Variants in WDR35 observed in about 807,000 individuals in gnomAD.
WDR35 encodes the protein WD repeat domain 35, also known as WD repeat-containing protein 35.
WDR35 carries 118 observed loss-of-function variants against 158.3 expected under a neutral mutation model. The observed-to-expected ratio is 0.75, with a 90% confidence interval of 0.64 to 0.87. WDR35 has a LOEUF of 0.87. WDR35 is among the 40% of genes least tolerant of loss of function. WDR35 has a pLI of 0.00. For missense variants in WDR35, 1,263 were observed against 1,405.8 expected (o/e 0.90, Z 1.62); for synonymous variants, 448 against 476.1 (o/e 0.94, Z 0.77).
chr2:19,941,991 T>G (rs755843069), intron 16 of WDR35, 152 bp from the exon 17 acceptor site: 9 of 586,798 alleles, frequency 1.5e-5, no homozygotes, highest in Non-Finnish European at 2.5e-5. Flanking sequence ...ATAATTAGCA[T>G]TATGGTAAAT....
chr2:19,987,317 T>C (rs1392333146), intron 2 of WDR35, among the ~76,000 whole-genome samples: 3 of 152,192 alleles, frequency 2.0e-5, no homozygotes, highest in Non-Finnish European at 4.4e-5. Context: ...ATTCCTCATA[T>C]TTATTTCTTT....
chr2:19,956,126 T>A (rs1331294523), intron 11 of WDR35, among the ~76,000 whole-genome samples: 1 of 152,188 alleles, frequency 6.6e-6, no homozygotes, highest in Non-Finnish European at 1.5e-5. Flanking sequence ...ATCTTAAGAA[T>A]TTTTTAAATA....
Position 19,936,203 on chromosome 2 carries a change from C to T in WDR35, c.2414+16G>A. 1 of 1,613,762 alleles carries T rather than the reference C, an allele frequency of 6.2e-7. No individual in the cohort carries two copies. Among genetic ancestry groups the T allele is most frequent in the Non-Finnish European group, 8.5e-7 (1 of 1,179,804 alleles). ...TGTTGCATGAATGCTTGAGGAGCTC[C>T]AGGTAAGTTACATACCACTTTTGTC... On this transcript the variant is annotated intron_variant, in intron 20 of 26. Transcript: ENST00000281405.
rs768715293 is a variant in WDR35 at position 19,946,007 on chromosome 2, T to C, written c.1635-11A>G. The C allele has an allele frequency of 2.5e-6, 4 of 1,612,888 alleles. No individual in the cohort carries two copies. Among genetic ancestry groups the C allele is most frequent in the East Asian group, 2.2e-5 (1 of 44,866 alleles). On this transcript the variant is annotated splice_polypyrimidine_tract_variant and intron_variant, in intron 15 of 26. Coordinates refer to ENST00000281405, the MANE Select transcript of WDR35 (RefSeq NM_020779.4). The stretch of plus-strand genomic sequence containing the variant: ...ATGATAGCAAGACGGCTAAAAACAA[T>C]GCAATTAGAGAAAAGGAAAAAACTA...
At chr2:19,971,918 G>A (rs942221021) in intron 8 of WDR35, among the ~76,000 whole-genome samples, 2 of 152,084 alleles carry the variant, frequency 1.3e-5, no homozygotes, top group African/African-American at 2.4e-5. Flanking sequence ...GCACCATGAC[G>A]TATTTCCTTT....
intron 10 of WDR35, among the ~76,000 whole-genome samples, chr2:19,966,369 C>T (rs1014380205): frequency 6.6e-6 from 1 of 152,160 alleles, no homozygotes; most frequent in Non-Finnish European, 1.5e-5. Flanking sequence ...GTGTTCATTG[C>T]TGCATAATTT....
intron 8 of WDR35, among the ~76,000 whole-genome samples, chr2:19,971,047 AAAAT>A (rs780767822): frequency 7.0e-5 from 10 of 143,346 alleles, no homozygotes; most frequent in East Asian, 6.2e-4. Context: ...TTTAAAATTT[AAAAT>A]AAATAAACAG....
rs753374553 is a variant in WDR35 at position 19,984,002 on chromosome 2, CATATATATATATATATATAT to C, written c.143-1488_143-1469del. 8.1e-4 allele frequency among the ~76,000 whole-genome samples: 73 copies of C among 89,940 alleles called. 1 individual carries two copies. The highest frequency in any genetic ancestry group is 3.1e-3 in the African/African-American group (66 of 21,156). The allele number at this position is 89,940 out of a possible 152,430, so 59.0% of individuals were successfully genotyped here. A position where few individuals can be genotyped will look rare whatever the true frequency, so the allele number is the denominator to read the frequency against. Reference sequence around the variant, plus strand: ...TAGCACTGAAAAATCCATTCTAATGCATATATATATATATATATATATATATATATATATATATACATATA... The same window carrying C: ...TAGCACTGAAAAATCCATTCTAATGCATATATATATATATATATACATATA... On this transcript the variant is annotated intron_variant, in intron 2 of 26. Coordinates refer to ENST00000281405, the MANE Select transcript of WDR35 (RefSeq NM_020779.4).
chr2:19,964,187 GT>G (rs1238547720), intron 10 of WDR35, among the ~76,000 whole-genome samples: 1 of 152,006 alleles, frequency 6.6e-6, no homozygotes, highest in Non-Finnish European at 1.5e-5. Context: ...TTGTAAGATT[GT>G]TTTCTCCCCA....
intron 25 of WDR35, among the ~76,000 whole-genome samples, chr2:19,926,905 C>CT (rs748606022): frequency 5.5e-5 from 1 of 18,156 alleles, no homozygotes; most frequent in African/African-American, 6.9e-4. Context: ...TCTCGAGGAC[C>CT]CCCCCCACCC....
At chr2:19,945,216 A>C (rs1027267719) in intron 16 of WDR35, among the ~76,000 whole-genome samples, 1 of 152,146 alleles carries the variant, frequency 6.6e-6, no homozygotes, top group Non-Finnish European at 1.5e-5. Flanking sequence ...AACCTTAAAA[A>C]TGAGAACAAA....
At chr2:19,949,373 T>C (rs1671162938) in intron 13 of WDR35, among the ~76,000 whole-genome samples, 1 of 152,106 alleles carries the variant, frequency 6.6e-6, no homozygotes, top group Non-Finnish European at 1.5e-5. Context: ...AGGAACTATA[T>C]GTAACATGAT....
chr2:19,917,333 TCTC>T (rs2103382050), intron 25 of WDR35, among the ~76,000 whole-genome samples: 1 of 152,104 alleles, frequency 6.6e-6, no homozygotes, highest in Non-Finnish European at 1.5e-5. Flanking sequence ...AAACACCTCT[TCTC>T]CTACAAAGGA....
At chr2:19,948,116 A>G (rs1164341151) in intron 14 of WDR35, 48 bp downstream of exon 14, 2 of 1,464,856 alleles carry the variant, frequency 1.4e-6, no homozygotes, top group African/African-American at 2.8e-5. Flanking sequence ...CCATATTTTT[A>G]TAATTTAAAG....
chr2:19,975,887 T>C (rs1198490320), intron 5 of WDR35, among the ~76,000 whole-genome samples: 1 of 152,246 alleles, frequency 6.6e-6, no homozygotes, highest in African/African-American at 2.4e-5. Flanking sequence ...ACTCTGATGC[T>C]GGATCTCACT....
chr2:19,933,336 A>G, intron 22 of WDR35, 65 bp downstream of exon 22: 15 of 1,346,440 alleles, frequency 1.1e-5, no homozygotes, highest in Non-Finnish European at 1.6e-5. Context: ...GGTGACTTTA[A>G]CCTTGCTTTG....
At chr2:19,988,906 G>A (rs994873627) in intron 2 of WDR35, among the ~76,000 whole-genome samples, 11 of 152,078 alleles carry the variant, frequency 7.2e-5, no homozygotes, top group Admixed American at 6.5e-5. Context: ...ATTAGACATA[G>A]CATAACACAG....
Position 19,914,098 on chromosome 2 carries a change from T to C in WDR35, c.3301A>G (p.Ile1101Val). Residue 1101 changes from isoleucine (I) to valine (V), a missense_variant, in exon 26 of 27, where the codon ATC becomes GTC. Ile to Val is a conservative substitution (Grantham distance 29). Coordinates refer to ENST00000281405, the MANE Select transcript of WDR35 (RefSeq NM_020779.4). ...TCTTTTGAAGTATGTTTGGTGAAGA[T>C]TTCTAAAGCAAGGTCTTCATACTGC... ...KQQYEDLALE[I>V]FTKHTSKDNR... 2 of 1,614,172 alleles carry C rather than the reference T, an allele frequency of 1.2e-6. No homozygotes were observed. The highest frequency in any genetic ancestry group is 1.7e-6 in the Non-Finnish European group (2 of 1,180,006).
At position 19,973,664 on chromosome 2, in the gene WDR35, A is replaced by G. The variant is rs431905505; in HGVS notation, c.781T>C (p.Trp261Arg). Residue 261 changes from tryptophan (W) to arginine (R), a missense_variant, in exon 8 of 27, where the codon TGG becomes CGG. Trp to Arg is a moderately radical substitution (Grantham distance 101). Transcript: ENST00000281405. ...DTGMYVVGIQ[W>R]NHMGSVLAVA... ...GCTAACACGCTGCCCATGTGGTTCCACTGGATGCCTACTACGTACATGCCA... is the reference window on the plus strand; with the variant it reads ...GCTAACACGCTGCCCATGTGGTTCCGCTGGATGCCTACTACGTACATGCCA... The G allele has an allele frequency of 3.7e-6, 6 of 1,614,128 alleles. No homozygotes were observed. Among genetic ancestry groups the G allele is most frequent in the Non-Finnish European group, 5.1e-6 (6 of 1,180,054 alleles).
Sources: gnomAD v4.1 joint callset for allele counts (sites outside exome capture counted in the v4.1 genomes callset) on GRCh38, gnomAD v4.1.1 for gene constraint, MANE v1.5 for transcripts, NCBI Gene and HGNC (gene_info 2026-07-23, HGNC 2026-07-21) for gene names.